Variants in CADM1 observed in about 807,000 individuals in gnomAD.
The protein encoded by CADM1 is cell adhesion molecule 1, also known as TSLC-1.
A neutral mutation model predicts 53.1 loss-of-function variants in CADM1; 15 were observed. The observed-to-expected ratio is 0.28, with a 90% CI of 0.19 to 0.44. CADM1 has a LOEUF of 0.44. CADM1 is among the 20% of genes least tolerant of loss of function. The pLI is 1.00. For missense variants in CADM1, 434 were observed against 611.3 expected, an observed-to-expected ratio of 0.71 and a Z score of 3.06; for synonymous variants, 281 against 243.0, an observed-to-expected ratio of 1.16 and a Z score of -1.45.
At chr11:115,250,199 A>G (rs780125500) in intron 1 of CADM1, among the ~76,000 whole-genome samples, 3 of 152,110 alleles carry the variant, frequency 2.0e-5, no homozygotes, top group Non-Finnish European at 4.4e-5. Context: ...CACTGTGCCC[A>G]CCCTTACCAG....
intron 1 of CADM1, among the ~76,000 whole-genome samples, chr11:115,378,989 T>C (rs4938202): frequency 0.43 from 66,048 of 152,108 alleles, 16,477 homozygotes; most frequent in Non-Finnish European, 0.58. Context: ...TATTTAGTAA[T>C]TTAAAGAGGT....
intron 1 of CADM1, among the ~76,000 whole-genome samples, chr11:115,254,680 A>C (rs1237879143): frequency 6.6e-6 from 1 of 152,092 alleles, no homozygotes; most frequent in African/African-American, 2.4e-5. Context: ...AGTTGGGATA[A>C]GGGTGCAGCT....
intron 1 of CADM1, among the ~76,000 whole-genome samples, chr11:115,308,507 T>A (rs1944447646): frequency 6.6e-6 from 1 of 152,026 alleles, no homozygotes. Context: ...GCAAGATAAT[T>A]TCCATTTCAT....
At chr11:115,330,539 G>A (rs1333770025) in intron 1 of CADM1, among the ~76,000 whole-genome samples, 2 of 152,078 alleles carry the variant, frequency 1.3e-5, no homozygotes, top group African/African-American at 4.8e-5. Context: ...CCTTCCCAAC[G>A]ATTGAGTTAC....
intron 1 of CADM1, among the ~76,000 whole-genome samples, chr11:115,250,794 C>T (rs998872804): frequency 6.6e-5 from 10 of 152,168 alleles, no homozygotes; most frequent in African/African-American, 2.4e-4. Flanking sequence ...TTATCATCTC[C>T]ATTACACAGA....
chr11:115,346,441 C>T (rs1024510013), intron 1 of CADM1, among the ~76,000 whole-genome samples: 5 of 152,140 alleles, frequency 3.3e-5, no homozygotes, highest in Admixed American at 6.5e-5. Flanking sequence ...CTATGTTCCC[C>T]GGGCTGATCT....
chr11:115,284,688 A>T lies in CADM1; in HGVS notation c.125-44268T>A, dbSNP rs529081070. On this transcript the variant is annotated intron_variant, in intron 1 of 11. Transcript: ENST00000331581. ...CCAGTCACTCTGATTAATTTTTTTT[A>T]AAAAAGAAAGAATACAAACATTTTC... Among the ~76,000 whole-genome samples, 21 of 152,252 alleles carry T rather than the reference A, an allele frequency of 1.4e-4. No homozygotes were observed. The South Asian group carries it at 2.3e-3, about 17-fold the overall frequency.
chr11:115,365,907 G>C (rs551386930), intron 1 of CADM1, among the ~76,000 whole-genome samples: 18 of 152,318 alleles, frequency 1.2e-4, no homozygotes, highest in African/African-American at 3.8e-4. Context: ...TTTTACCCAA[G>C]TGTCCCACAC....
intron 1 of CADM1, among the ~76,000 whole-genome samples, chr11:115,298,705 C>A (rs762590362): frequency 6.6e-6 from 1 of 152,156 alleles, no homozygotes; most frequent in Non-Finnish European, 1.5e-5. Flanking sequence ...GCGAAGACAC[C>A]ATTGTTTTCC....
chr11:115,289,593 CTTTTTTTTTTTTT>C (rs56766047), intron 1 of CADM1, among the ~76,000 whole-genome samples: 1 of 109,032 alleles, frequency 9.2e-6, no homozygotes, highest in Non-Finnish European at 1.9e-5. Context: ...CTTTTTTTTT[CTTTTTTTTTTTTT>C]TTTTTTTGAG....
At chr11:115,307,970 C>T (rs898642088) in intron 1 of CADM1, among the ~76,000 whole-genome samples, 3 of 151,498 alleles carry the variant, frequency 2.0e-5, no homozygotes, top group African/African-American at 7.3e-5. Flanking sequence ...GGGCTGATTC[C>T]AAATAAATTA....
At chr11:115,478,043 T>C (rs1949174654) in intron 1 of CADM1, among the ~76,000 whole-genome samples, 1 of 152,238 alleles carries the variant, frequency 6.6e-6, no homozygotes. Context: ...TTCCTGATCA[T>C]TAATCAGAAA....
intron 1 of CADM1, among the ~76,000 whole-genome samples, chr11:115,320,075 T>C (rs915522755): frequency 7.2e-5 from 11 of 152,146 alleles, no homozygotes; most frequent in Admixed American, 1.3e-4. Context: ...CATTCATGTA[T>C]TTTTTAGAGA....
chr11:115,240,187 T>TA lies in CADM1; in HGVS notation c.271+86dup, dbSNP rs1942175127. The TA allele has an allele frequency of 2.5e-5, 31 of 1,262,594 alleles. No individual in the cohort carries two copies. In the South Asian group the frequency reaches 3.7e-4, roughly 15 times the overall value. 78.2% of individuals were successfully genotyped at this position (1,262,594 alleles called of 1,614,324 possible). A position where few individuals can be genotyped will look rare whatever the true frequency, so the allele number is the denominator to read the frequency against. On this transcript the variant is annotated intron_variant, in intron 2 of 11. Transcript: ENST00000331581. ...AACTTTAAGCATCTAACATTAAATT[T>TA]AAAAAAGGTGGCCTTAGCAATCTCT...
chr11:115,223,973 A>AGAGAG (rs1555043882), intron 5 of CADM1, among the ~76,000 whole-genome samples: 15,607 of 92,580 alleles, frequency 0.17, 1,526 homozygotes, highest in East Asian at 0.36. Context: ...AAAAAAAAAA[A>AGAGAG]AGAGAGAGAG....
chr11:115,191,123 T>A (rs1330555755), intron 9 of CADM1, 182 bp from the exon 10 acceptor site: 20 of 592,448 alleles, frequency 3.4e-5, no homozygotes, highest in East Asian at 3.2e-4. Context: ...TTGTTCTTAA[T>A]ACGCAATCGA....
chr11:115,209,651 G>A lies in CADM1; in HGVS notation c.1001C>T (p.Pro334Leu). ...SDYMLYVYDP[P>L]TTIPPPTTTT... ...TGTTGTGGGAGGAGGGATAGTTGTG[G>A]GGGGATCTGGATAGAAAAAAAAAGG... Residue 334 changes from proline (P) to leucine (L), a missense_variant, in exon 8 of 12, where the codon CCC becomes CTC. Coordinates refer to ENST00000331581, the MANE Select transcript of CADM1 (RefSeq NM_001301043.2). The A allele has an allele frequency of 6.2e-7, 1 of 1,613,078 alleles. No individual in the cohort carries two copies. Among genetic ancestry groups the A allele is most frequent in the Non-Finnish European group, 8.5e-7 (1 of 1,179,792 alleles).
At chr11:115,488,684 C>A (rs1386226422) in intron 1 of CADM1, among the ~76,000 whole-genome samples, 2 of 152,184 alleles carry the variant, frequency 1.3e-5, no homozygotes, top group Non-Finnish European at 2.9e-5. Flanking sequence ...CAAAAGGAAA[C>A]CTACTTTCTG....
intron 1 of CADM1, among the ~76,000 whole-genome samples, chr11:115,308,093 C>T (rs1025807751): frequency 4.0e-4 from 60 of 150,824 alleles, no homozygotes; most frequent in Non-Finnish European, 2.2e-4. Context: ...TAAAATAAGT[C>T]TACATGAACT....
Sources: gnomAD v4.1 joint callset for allele counts (sites outside exome capture counted in the v4.1 genomes callset) on GRCh38, gnomAD v4.1.1 for gene constraint, MANE v1.5 for transcripts, NCBI Gene and HGNC (gene_info 2026-07-23, HGNC 2026-07-21) for gene names.